Variants in CERT1 observed in about 807,000 individuals in gnomAD.
The protein encoded by CERT1 is ceramide transfer protein.
CERT1 carries 31 observed loss-of-function variants against 87.9 expected under a neutral mutation model. That is an observed-to-expected ratio of 0.35 (90% CI 0.27 to 0.48). The LOEUF is 0.48. CERT1 is among the 20% of genes least tolerant of loss of function. CERT1 has a pLI of 0.99. For synonymous variants in CERT1, 289 were observed against 250.9 expected (o/e 1.15, Z -1.44); for missense variants, 487 against 758.0 (o/e 0.64, Z 4.20).
chr5:75,485,783 G>C (rs1766494632), intron 2 of CERT1, among the ~76,000 whole-genome samples: 1 of 152,014 alleles, frequency 6.6e-6, no homozygotes, highest in Non-Finnish European at 1.5e-5. Flanking sequence ...TTCCTAGACA[G>C]ATACAACCTA....
chr5:75,503,587 T>G (rs932124191), intron 2 of CERT1, among the ~76,000 whole-genome samples: 1 of 151,946 alleles, frequency 6.6e-6, no homozygotes, highest in African/African-American at 2.4e-5. Flanking sequence ...TATAAATGCT[T>G]GTGTTTTTTC....
At chr5:75,442,960 T>A (rs899288272) in intron 3 of CERT1, among the ~76,000 whole-genome samples, 3 of 152,138 alleles carry the variant, frequency 2.0e-5, no homozygotes, top group East Asian at 3.8e-4. Context: ...AGGAAAAAAA[T>A]TTATATATAT....
chr5:75,407,765 T>TA (rs1762771964), intron 8 of CERT1, among the ~76,000 whole-genome samples: 1 of 151,938 alleles, frequency 6.6e-6, no homozygotes, highest in South Asian at 2.1e-4. Flanking sequence ...CCAGTGCCCT[T>TA]ATACAAAGGC....
At chr5:75,402,111 A>C (rs1356551658) in intron 9 of CERT1, 2 of 152,222 alleles carry the variant, frequency 1.3e-5, no homozygotes, top group African/African-American at 4.8e-5. Context: ...ACTTTTCTTC[A>C]ATTTCCACAG....
chr5:75,506,454 C>T (rs2112475925), intron 1 of CERT1, among the ~76,000 whole-genome samples: 2 of 152,270 alleles, frequency 1.3e-5, no homozygotes, highest in Middle Eastern at 6.8e-3. Context: ...TAAGTACCTT[C>T]ATGATATTTG....
intron 2 of CERT1, among the ~76,000 whole-genome samples, chr5:75,498,931 G>C (rs752592371): frequency 5.3e-5 from 8 of 152,338 alleles, no homozygotes; most frequent in East Asian, 3.9e-4. Context: ...CAGCCAGGAG[G>C]GGGGCTTGTA....
chr5:75,426,279 GT>G, intron 4 of CERT1, 91 bp downstream of exon 4: 1 of 802,826 alleles, frequency 1.2e-6, no homozygotes, highest in Non-Finnish European at 2.0e-6. Flanking sequence ...AAAAAAGTTT[GT>G]TCAAAAAATT....
chr5:75,478,790 T>C (rs1329992043), intron 2 of CERT1, among the ~76,000 whole-genome samples: 1 of 151,512 alleles, frequency 6.6e-6, no homozygotes, highest in Non-Finnish European at 1.5e-5. Flanking sequence ...CTACCCCCTA[T>C]CTGATACTAT....
At chr5:75,409,718 G>A (rs952253078) in intron 8 of CERT1, among the ~76,000 whole-genome samples, 12 of 151,900 alleles carry the variant, frequency 7.9e-5, no homozygotes, top group Non-Finnish European at 1.3e-4. Flanking sequence ...TAGTAGAGAC[G>A]GGGTTTCACC....
At chr5:75,506,590 T>C (rs1767660195) in intron 1 of CERT1, among the ~76,000 whole-genome samples, 1 of 152,222 alleles carries the variant, frequency 6.6e-6, no homozygotes, top group African/African-American at 2.4e-5. Flanking sequence ...AAGTCAATTA[T>C]TGCTAAACTC....
intron 2 of CERT1, among the ~76,000 whole-genome samples, chr5:75,493,130 T>C (rs939216447): frequency 1.3e-5 from 2 of 152,238 alleles, no homozygotes; most frequent in African/African-American, 4.8e-5. Flanking sequence ...TCTGTGTCTG[T>C]GGATGTATTT....
chr5:75,416,033 T>C (rs1763121271), intron 7 of CERT1, among the ~76,000 whole-genome samples: 1 of 152,180 alleles, frequency 6.6e-6, no homozygotes, highest in Non-Finnish European at 1.5e-5. Flanking sequence ...CTATCATTGC[T>C]TTCCTTAGTG....
At chr5:75,412,014 C>A (rs1053609625) in intron 7 of CERT1, among the ~76,000 whole-genome samples, 3 of 152,156 alleles carry the variant, frequency 2.0e-5, no homozygotes, top group African/African-American at 7.2e-5. Flanking sequence ...GGTTAAAAGA[C>A]CCAGGGTCAA....
At chr5:75,461,465 A>G (rs974268955) in intron 2 of CERT1, among the ~76,000 whole-genome samples, 16 of 152,270 alleles carry the variant, frequency 1.1e-4, no homozygotes, top group Middle Eastern at 3.4e-3. Context: ...AGATTGGGAA[A>G]TGCTAATCTA....
chr5:75,510,951 T>G (rs765571985), intron 1 of CERT1, among the ~76,000 whole-genome samples, 161 bp downstream of exon 1: 1 of 152,080 alleles, frequency 6.6e-6, no homozygotes, highest in Non-Finnish European at 1.5e-5. Context: ...ACAAGGACAG[T>G]GCCCCTATAT....
intron 5 of CERT1, among the ~76,000 whole-genome samples, chr5:75,420,412 C>T (rs1277133190): frequency 1.3e-5 from 2 of 150,380 alleles, no homozygotes; most frequent in East Asian, 2.0e-4. Context: ...GGCGCGATCT[C>T]GGCTCACTGC....
In CERT1 at chr5:75,402,925, T is replaced by C. The variant is rs114872747; in HGVS notation, c.1017+47A>G. ...AATAATATACACCAAGGAATGCCTA[T>C]AGTGTTAAAATAAATTTCAGCTTAG... is the stretch of plus-strand genomic sequence containing the variant. On this transcript the variant is annotated intron_variant, in intron 9 of 16. Coordinates refer to ENST00000643780, the MANE Select transcript of CERT1 (RefSeq NM_001379029.1). 2,953 of 1,109,204 alleles carry C rather than the reference T, an allele frequency of 2.7e-3. 9 individuals are homozygous for C. Among genetic ancestry groups the C allele is most frequent in the Non-Finnish European group, 3.6e-3 (2,621 of 723,524 alleles). 68.7% of individuals were successfully genotyped at this position (1,109,204 alleles called of 1,614,324 possible).
chr5:75,436,717 T>G lies in CERT1; in HGVS notation c.349-10239A>C, dbSNP rs573830530. ...AACTTATAATCCATATTTTATAATA[T>G]TAAACACATTTTGGACATTTATTTG... On this transcript the variant is annotated intron_variant, in intron 3 of 16. Coordinates refer to ENST00000643780, the MANE Select transcript of CERT1 (RefSeq NM_001379029.1). Among the ~76,000 whole-genome samples the G allele has an allele frequency of 1.1e-4, 17 of 152,316 alleles. 1 individual carries two copies. The South Asian group carries it at 3.5e-3, about 32-fold the overall frequency.
downstream of CERT1, chr5:75,374,198 GAAA>G (rs749454395): frequency 0.018 from 5,267 of 292,562 alleles, 1 homozygote; most frequent in East Asian, 0.036. Flanking sequence ...GTCACTGAAG[GAAA>G]AAAAAAAAAA....
Sources: allele counts gnomAD v4.1 joint callset (sites outside exome capture counted in the v4.1 genomes callset), GRCh38; gene constraint gnomAD v4.1.1; transcripts MANE v1.5; gene names NCBI Gene and HGNC (gene_info 2026-07-23, HGNC 2026-07-21).